The following RALGPS1 variants were observed in gnomAD, a reference collection of about 807,000 sequenced individuals.
RALGPS1 encodes the protein Ral GEF with PH domain and SH3 binding motif 1.
A neutral mutation model predicts 78.8 loss-of-function variants in RALGPS1; 19 were observed. That is an observed-to-expected ratio of 0.24 (90% CI 0.17 to 0.35). RALGPS1 has a LOEUF of 0.35. RALGPS1 is among the 10% of genes least tolerant of loss of function. The pLI, the probability that RALGPS1 is intolerant of heterozygous loss-of-function variation, is 1.00. For missense variants in RALGPS1, 454 were observed against 688.3 expected, an observed-to-expected ratio of 0.66 and a Z score of 3.81; for synonymous variants, 228 against 256.3, an observed-to-expected ratio of 0.89 and a Z score of 1.06.
intron 8 of RALGPS1, chr9:127,093,644 G>A (rs993086194): frequency 2.7e-6 from 4 of 1,483,844 alleles, no homozygotes; most frequent in Non-Finnish European, 2.8e-6. Flanking sequence ...ATGTACCTCT[G>A]AGTGGGCTCT....
intron 8 of RALGPS1, among the ~76,000 whole-genome samples, chr9:127,089,823 G>T (rs1013291156): frequency 2.6e-5 from 4 of 152,222 alleles, no homozygotes; most frequent in Admixed American, 2.6e-4. Flanking sequence ...GGCATGCAGG[G>T]GCAGTGCACT....
intron 4 of RALGPS1, among the ~76,000 whole-genome samples, chr9:126,998,729 A>T (rs1363104037): frequency 1.3e-5 from 2 of 152,092 alleles, no homozygotes; most frequent in Non-Finnish European, 2.9e-5. Context: ...GTATGTTTAT[A>T]GCGGCACTAT....
chr9:127,080,024 G>A (rs1198316681), intron 8 of RALGPS1, among the ~76,000 whole-genome samples: 2 of 152,216 alleles, frequency 1.3e-5, no homozygotes, highest in African/African-American at 2.4e-5. Flanking sequence ...GCAACAGGAC[G>A]TGCTGGACTC....
chr9:126,973,683 T>C (rs1484857573), intron 3 of RALGPS1, among the ~76,000 whole-genome samples: 2 of 152,198 alleles, frequency 1.3e-5, no homozygotes, highest in African/African-American at 4.8e-5. Context: ...CACAGTGTCA[T>C]GTAACCAATC....
chr9:127,052,926 CA>C lies in RALGPS1; in HGVS notation c.475del (p.Thr159ProfsTer5). Reference protein sequence around the residue: ...ALQSAPIFRLTKTWALLNRKD... With the variant: ...ALQSAPIFRLXKTWALLNRKD... ...CAAAGTGCTCCCATCTTCAGGCTGACAAAAACCTGGGCTGTAAGTTAATCTC... is the reference window on the plus strand; with the variant it reads ...CAAAGTGCTCCCATCTTCAGGCTGACAAAACCTGGGCTGTAAGTTAATCTC... On this transcript the variant is annotated frameshift_variant, in exon 7 of 19. Transcript: ENST00000259351. LOFTEE classifies it high-confidence loss of function. The C allele has an allele frequency of 6.3e-7, 1 of 1,596,182 alleles. No individual in the cohort carries two copies. Among genetic ancestry groups the C allele is most frequent in the Non-Finnish European group, 8.6e-7 (1 of 1,163,782 alleles).
chr9:127,206,432 G>A (rs1360207391), intron 14 of RALGPS1, among the ~76,000 whole-genome samples: 2 of 152,218 alleles, frequency 1.3e-5, no homozygotes, highest in Admixed American at 6.5e-5. Context: ...TTCTTCATAT[G>A]GTGGTAGCAA....
At chr9:127,108,835 G>T in intron 8 of RALGPS1, 2 of 1,235,414 alleles carry the variant, frequency 1.6e-6, no homozygotes, top group Non-Finnish European at 2.2e-6. Context: ...TCAGTGCCCT[G>T]TGCCATCAGT....
At chr9:126,984,784 A>G (rs376675491) in intron 4 of RALGPS1, among the ~76,000 whole-genome samples, 30 of 152,202 alleles carry the variant, frequency 2.0e-4, no homozygotes, top group East Asian at 1.5e-3. Context: ...CCCCAGGGTT[A>G]TGTTGTATAT....
chr9:127,177,076 G>A (rs1249785944), intron 11 of RALGPS1, among the ~76,000 whole-genome samples: 1 of 152,128 alleles, frequency 6.6e-6, no homozygotes, highest in East Asian at 1.9e-4. Context: ...TCTCTGTCTG[G>A]TCACTGGGCC....
intron 8 of RALGPS1, among the ~76,000 whole-genome samples, chr9:127,133,648 C>T (rs575503010): frequency 6.6e-6 from 1 of 152,338 alleles, no homozygotes; most frequent in African/African-American, 2.4e-5. Flanking sequence ...TCCTTCCCGG[C>T]ATTGTCAGAG....
Position 127,122,532 on chromosome 9 carries a change from A to T in RALGPS1, c.611-43537A>T, listed in dbSNP as rs1439186849. ...CCAGGGGTCCTGCGGGGCTGCTCAC[A>T]ACCTTCTTTCCCTCACAGTAGCGTC... On this transcript the variant is annotated intron_variant, in intron 8 of 18. Transcript: ENST00000259351. The surrounding 1 kb of genome is among the most constrained non-coding windows in gnomAD (Gnocchi z 6.4). 1 of 153,026 alleles carries T rather than the reference A, an allele frequency of 6.5e-6. No individual in the cohort carries two copies. The highest frequency in any genetic ancestry group is 2.4e-5 in the African/African-American group (1 of 41,412). 9.5% of individuals were successfully genotyped at this position (153,026 alleles called of 1,614,324 possible).
chr9:127,184,189 G>T, intron 11 of RALGPS1: 1 of 787,720 alleles, frequency 1.3e-6, no homozygotes, highest in East Asian at 3.1e-5. Context: ...TCTGGGCATG[G>T]TGGTGCGTGC....
intron 8 of RALGPS1, among the ~76,000 whole-genome samples, chr9:127,071,531 CTTAAG>C (rs1398079168): frequency 6.6e-6 from 1 of 151,996 alleles, no homozygotes; most frequent in African/African-American, 2.4e-5. Context: ...TCCTGTTTTC[CTTAAG>C]TTGTTTCACC....
chr9:127,121,526 C>T (rs962850815), intron 8 of RALGPS1, among the ~76,000 whole-genome samples: 2 of 152,240 alleles, frequency 1.3e-5, no homozygotes, highest in Non-Finnish European at 2.9e-5. Flanking sequence ...AGAGCTGACC[C>T]ATGACACACA....
Position 127,212,065 on chromosome 9 carries a change from A to G in RALGPS1, c.1248-66A>G, listed in dbSNP as rs2062294504. The G allele has an allele frequency of 1.5e-6, 2 of 1,306,070 alleles. No homozygotes were observed. The highest frequency in any genetic ancestry group is 1.5e-5 in the African/African-American group (1 of 67,828). 80.9% of individuals were successfully genotyped at this position (1,306,070 alleles called of 1,614,324 possible). A position where few individuals can be genotyped will look rare whatever the true frequency, so the allele number is the denominator to read the frequency against. On this transcript the variant is annotated intron_variant, in intron 14 of 18. Transcript: ENST00000259351. This position sits in a 1 kb window ranked among gnomAD's most constrained non-coding sequence, Gnocchi z 6.0. Reference sequence around the variant, plus strand: ...TGGTAGTGGGGCACCTGTGGTCCCCAGTGAGTGAGAGGGTGCTTGACCTCA... The same window carrying G: ...TGGTAGTGGGGCACCTGTGGTCCCCGGTGAGTGAGAGGGTGCTTGACCTCA...
intron 8 of RALGPS1, among the ~76,000 whole-genome samples, chr9:127,151,462 A>G (rs1276611659): frequency 6.6e-6 from 1 of 152,210 alleles, no homozygotes; most frequent in Non-Finnish European, 1.5e-5. Context: ...CCTGCCTTCT[A>G]GAAGCTCCTC....
chr9:127,166,306 T>G, intron 9 of RALGPS1, 100 bp downstream of exon 9: 1 of 1,409,964 alleles, frequency 7.1e-7, no homozygotes, highest in Non-Finnish European at 9.8e-7. Context: ...ACTACAAAGT[T>G]CCTCATTTTA....
chr9:127,160,904 A>G (rs923856274), intron 8 of RALGPS1, among the ~76,000 whole-genome samples: 1 of 152,244 alleles, frequency 6.6e-6, no homozygotes, highest in Admixed American at 6.5e-5. Context: ...CTAAGGTGCC[A>G]TGGTAAACAC....
At chr9:127,114,496 C>T (rs1051913300) in intron 8 of RALGPS1, among the ~76,000 whole-genome samples, 4 of 152,214 alleles carry the variant, frequency 2.6e-5, no homozygotes, top group African/African-American at 9.6e-5. Context: ...GGCAGGACGA[C>T]GACAGGAGTG....
Sources: allele counts gnomAD v4.1 joint callset (sites outside exome capture counted in the v4.1 genomes callset), GRCh38; gene constraint gnomAD v4.1.1; non-coding constraint Gnocchi (gnomAD v3.1); transcripts MANE v1.5; gene names NCBI Gene and HGNC (gene_info 2026-07-23, HGNC 2026-07-21).